The following PRORP variants were observed in gnomAD, a reference collection of about 807,000 sequenced individuals.
PRORP encodes the protein protein only RNase P catalytic subunit.
PRORP carries 51 observed loss-of-function variants against 59.4 expected under a neutral mutation model. The ratio of observed to expected loss-of-function variants is 0.86; its 90% confidence interval spans 0.69 to 1.08. The LOEUF (loss-of-function observed/expected upper bound fraction) is 1.08, where lower values mean the gene tolerates loss of function less well. PRORP is among the 50% of genes least tolerant of loss of function. PRORP has a pLI of 0.00. For missense variants in PRORP, 646 were observed against 690.3 expected, an observed-to-expected ratio of 0.94 and a Z score of 0.72; for synonymous variants, 231 against 245.6, an observed-to-expected ratio of 0.94 and a Z score of 0.55.
intron 4 of PRORP, among the ~76,000 whole-genome samples, chr14:35,136,467 C>T (rs1276849790): frequency 1.4e-5 from 2 of 146,046 alleles, no homozygotes; most frequent in Non-Finnish European, 1.5e-5. Context: ...CTCCGCCTCT[C>T]GGGTTTAAGC....
intron 5 of PRORP, among the ~76,000 whole-genome samples, chr14:35,255,153 A>G (rs2050718555): frequency 6.6e-6 from 1 of 152,108 alleles, no homozygotes; most frequent in South Asian, 2.1e-4. Context: ...TTTGAGATGG[A>G]GTCTCACTTT....
intron 5 of PRORP, among the ~76,000 whole-genome samples, chr14:35,220,980 C>T (rs1445382909): frequency 6.6e-6 from 1 of 152,112 alleles, no homozygotes. Flanking sequence ...GTGTTAAAGA[C>T]CTGAAGATCA....
intron 5 of PRORP, among the ~76,000 whole-genome samples, chr14:35,245,145 C>A (rs2050453558): frequency 3.3e-5 from 5 of 152,212 alleles, no homozygotes; most frequent in Non-Finnish European, 7.3e-5. Flanking sequence ...TCAAACAGAA[C>A]AAGCTGCTGT....
At chr14:35,240,659 A>T (rs968205119) in intron 5 of PRORP, among the ~76,000 whole-genome samples, 1 of 152,186 alleles carries the variant, frequency 6.6e-6, no homozygotes, top group Admixed American at 6.5e-5. Flanking sequence ...TGTTCTTAAA[A>T]TTTAATATCT....
At chr14:35,202,193 G>A (rs934734978) in intron 5 of PRORP, among the ~76,000 whole-genome samples, 7 of 151,648 alleles carry the variant, frequency 4.6e-5, no homozygotes, top group South Asian at 2.1e-4. Context: ...TCCTGACCTC[G>A]TGATCCGCTC....
rs35907061 is a variant in PRORP, at chr14:35,188,191, AT to A, written c.1275+7431del. Reference sequence around the variant, plus strand: ...TTTTTATTATTATTGTTGAGTTGTAATTTTTTTTTTTTTTTTTGAGACAGAG... The same window carrying A: ...TTTTTATTATTATTGTTGAGTTGTAATTTTTTTTTTTTTTTTGAGACAGAG... On this transcript the variant is annotated intron_variant, in intron 5 of 7. Transcript: ENST00000534898. Among the ~76,000 whole-genome samples the A allele has an allele frequency of 2.1e-3, 233 of 111,004 alleles. 1 individual carries two copies. The highest frequency in any genetic ancestry group is 4.7e-3 in the African/African-American group (130 of 27,574). The allele number at this position is 111,004 out of a possible 152,430, so 72.8% of individuals were successfully genotyped here. A position where few individuals can be genotyped will look rare whatever the true frequency, so the allele number is the denominator to read the frequency against.
At chr14:35,272,306 C>T (rs1056680254) in intron 7 of PRORP, among the ~76,000 whole-genome samples, 5 of 152,024 alleles carry the variant, frequency 3.3e-5, no homozygotes, top group African/African-American at 1.2e-4. Context: ...AATTGTTATT[C>T]GTCAATTTAA....
At chr14:35,170,462 G>T (rs796975771) in intron 4 of PRORP, among the ~76,000 whole-genome samples, 3 of 151,848 alleles carry the variant, frequency 2.0e-5, no homozygotes, top group Non-Finnish European at 2.9e-5. Context: ...TATGATTTGG[G>T]CTTTACAATC....
At chr14:35,129,521 C>T (rs1190521176) in intron 4 of PRORP, among the ~76,000 whole-genome samples, 1 of 150,918 alleles carries the variant, frequency 6.6e-6, no homozygotes, top group East Asian at 1.9e-4. Flanking sequence ...GTCGCCCAGG[C>T]TAGAGTGCCG....
chr14:35,247,221 T>A (rs1477277748), intron 5 of PRORP, among the ~76,000 whole-genome samples: 1 of 152,168 alleles, frequency 6.6e-6, no homozygotes, highest in East Asian at 1.9e-4. Context: ...CTATCCAGTT[T>A]TATTTATGTA....
At chr14:35,254,466 C>T (rs1386756104) in intron 5 of PRORP, among the ~76,000 whole-genome samples, 1 of 152,196 alleles carries the variant, frequency 6.6e-6, no homozygotes, top group Non-Finnish European at 1.5e-5. Flanking sequence ...AATCTCAGCT[C>T]ACCACAACCT....
In PRORP at chr14:35,275,276, A is replaced by G. The variant is rs1354921097; in HGVS notation, c.*1710A>G. On this transcript the variant is annotated 3_prime_UTR_variant, in exon 8 of 8. Transcript: ENST00000534898. ...AATTACTTACATGAAATAAACAATG[A>G]CCTCTTTTATATCAAACCATATACA... is the stretch of plus-strand genomic sequence containing the variant. 1 of 152,130 alleles carries G rather than the reference A, an allele frequency of 6.6e-6. No homozygotes were observed. Among genetic ancestry groups the G allele is most frequent in the African/African-American group, 2.4e-5 (1 of 41,424 alleles). 9.4% of individuals were successfully genotyped at this position (152,130 alleles called of 1,614,324 possible). A position where few individuals can be genotyped will look rare whatever the true frequency, so the allele number is the denominator to read the frequency against.
intron 5 of PRORP, among the ~76,000 whole-genome samples, chr14:35,186,201 G>C (rs1310927060): frequency 1.4e-5 from 2 of 144,046 alleles, no homozygotes; most frequent in Admixed American, 1.4e-4. Flanking sequence ...TGCCCGGGCT[G>C]GTCTTGAACT....
In PRORP at chr14:35,266,720, T is replaced by C; in HGVS notation, c.1276-7T>C. The C allele has an allele frequency of 6.2e-7, 1 of 1,612,946 alleles. No homozygotes were observed. The highest frequency in any genetic ancestry group is 8.5e-7 in the Non-Finnish European group (1 of 1,179,642). On this transcript the variant is annotated splice_region_variant and splice_polypyrimidine_tract_variant and intron_variant, in intron 5 of 7. Coordinates refer to ENST00000534898, the MANE Select transcript of PRORP (RefSeq NM_014672.4). Reference sequence around the variant, plus strand: ...AACTTTTGTGGTTCTGGCTTTGTGTTTTTTAGCTCTTGAATGTCGTCTCTC... The same window carrying C: ...AACTTTTGTGGTTCTGGCTTTGTGTCTTTTAGCTCTTGAATGTCGTCTCTC...
intron 4 of PRORP, among the ~76,000 whole-genome samples, chr14:35,130,909 G>C (rs1310464151): frequency 6.6e-6 from 1 of 151,854 alleles, no homozygotes; most frequent in African/African-American, 2.4e-5. Flanking sequence ...CAAAGTGCTG[G>C]AATTATAGGC....
intron 4 of PRORP, among the ~76,000 whole-genome samples, chr14:35,151,952 A>G: frequency 2.6e-5 from 1 of 38,824 alleles, no homozygotes; most frequent in African/African-American, 9.8e-5. Flanking sequence ...TTTTTTTTTT[A>G]TTGATCATTC....
rs150385957 is a variant in PRORP at position 35,233,508 on chromosome 14, C to T, written c.1276-33219C>T. On this transcript the variant is annotated intron_variant, in intron 5 of 7. Transcript: ENST00000534898. The stretch of plus-strand genomic sequence containing the variant: ...TTCTAACAATTGCCAACGTGCAATC[C>T]CTTCGTTTAAGAAAAGCATGCAGTC... 1.5e-4 allele frequency among the ~76,000 whole-genome samples: 22 copies of T among 149,666 alleles called. No homozygotes were observed. In the East Asian group the frequency reaches 4.3e-3, roughly 29 times the overall value.
At chr14:35,172,975 C>A (rs2048359504) in intron 4 of PRORP, among the ~76,000 whole-genome samples, 1 of 151,820 alleles carries the variant, frequency 6.6e-6, no homozygotes, top group Non-Finnish European at 1.5e-5. Flanking sequence ...TCAAGCAATT[C>A]TCTTGCCTTA....
intron 5 of PRORP, among the ~76,000 whole-genome samples, chr14:35,212,934 A>G (rs1257350438): frequency 6.6e-6 from 1 of 152,208 alleles, no homozygotes; most frequent in Non-Finnish European, 1.5e-5. Flanking sequence ...ACCTTTATCA[A>G]TGATCTTAGC....
Sources: gnomAD v4.1 joint callset for allele counts (sites outside exome capture counted in the v4.1 genomes callset) on GRCh38, gnomAD v4.1.1 for gene constraint, MANE v1.5 for transcripts, NCBI Gene and HGNC (gene_info 2026-07-23, HGNC 2026-07-21) for gene names.